The following GRIN2A variants were observed in gnomAD, a reference collection of about 807,000 sequenced individuals.
The protein encoded by GRIN2A is glutamate receptor ionotropic, NMDA 2A.
Under a neutral mutation model 113.4 loss-of-function variants are expected in GRIN2A, and 22 were observed. The observed-to-expected ratio is 0.19, with a 90% CI of 0.14 to 0.28. The LOEUF (loss-of-function observed/expected upper bound fraction) is 0.28. Among genes scored for constraint, GRIN2A ranks in the 10% least tolerant of loss-of-function variants. The probability of loss-of-function intolerance (pLI) is 1.00; values close to 1 mark genes in which losing one functional copy is unlikely to be tolerated. For missense variants in GRIN2A, 1,502 were observed against 1,887.0 expected, an observed-to-expected ratio of 0.80 and a Z score of 3.78; for synonymous variants, 827 against 738.4, an observed-to-expected ratio of 1.12 and a Z score of -1.94.
intron 2 of GRIN2A, among the ~76,000 whole-genome samples, chr16:10,105,438 T>C (rs889725828): frequency 1.3e-5 from 2 of 151,814 alleles, no homozygotes; most frequent in African/African-American, 4.8e-5. Flanking sequence ...TAGAATCAGC[T>C]GACCCAATGT....
chr16:10,172,289 A>G (rs1274442988), intron 2 of GRIN2A, among the ~76,000 whole-genome samples: 1 of 152,126 alleles, frequency 6.6e-6, no homozygotes, highest in Non-Finnish European at 1.5e-5. Flanking sequence ...TTGATTCATC[A>G]TGGCTGCCTG....
rs140831238 is a variant in GRIN2A, at chr16:9,898,681, T to C, written c.1008-7581A>G. On this transcript the variant is annotated intron_variant, in intron 3 of 12. Transcript: ENST00000330684. ...CCCTTAAATGCCTCCTTGAACTGCTTGGGTGTCACAGTTTCTTCGTTTGTC... is the reference window on the plus strand; with the variant it reads ...CCCTTAAATGCCTCCTTGAACTGCTCGGGTGTCACAGTTTCTTCGTTTGTC... Among the ~76,000 whole-genome samples, 516 of 152,286 alleles carry C rather than the reference T, an allele frequency of 3.4e-3. 3 individuals are homozygous for C. The highest frequency in any genetic ancestry group is 0.011 in the African/African-American group (475 of 41,562).
At chr16:9,829,338 A>G (rs902409613) in intron 9 of GRIN2A, 85 bp downstream of exon 9, 5 of 841,512 alleles carry the variant, frequency 5.9e-6, no homozygotes, top group South Asian at 1.4e-5. Context: ...ATGGATCTCA[A>G]TGAGAGGCAC....
chr16:10,064,909 G>A (rs72772395), intron 2 of GRIN2A, among the ~76,000 whole-genome samples: 10,331 of 152,174 alleles, frequency 0.068, 506 homozygotes, highest in Non-Finnish European at 0.11. Flanking sequence ...TCATCCAAAC[G>A]GACGAATCCC....
intron 10 of GRIN2A, among the ~76,000 whole-genome samples, chr16:9,799,118 A>G (rs1903195950): frequency 6.6e-6 from 1 of 152,232 alleles, no homozygotes; most frequent in Non-Finnish European, 1.5e-5. Flanking sequence ...TTCTATAAAG[A>G]CAAGATAATA....
chr16:9,879,123 C>G (rs1464792407), intron 4 of GRIN2A, among the ~76,000 whole-genome samples: 1 of 152,086 alleles, frequency 6.6e-6, no homozygotes, highest in Admixed American at 6.6e-5. Context: ...TATAATGGCT[C>G]AATTTTCCCT....
intron 2 of GRIN2A, chr16:10,111,594 C>A: frequency 9.6e-7 from 1 of 1,038,002 alleles, no homozygotes; most frequent in Non-Finnish European, 1.5e-6. Flanking sequence ...CCCCTATGGA[C>A]ACTGAGACAG....
chr16:9,766,370 TGTA>T (rs1243161939), intron 12 of GRIN2A, among the ~76,000 whole-genome samples: 1 of 152,194 alleles, frequency 6.6e-6, no homozygotes, highest in African/African-American at 2.4e-5. Context: ...ACATTTTTCT[TGTA>T]GTAGACAGTC....
In GRIN2A at chr16:9,761,390, T is replaced by C. The variant is rs1004376936; in HGVS notation, c.*1759A>G. 1 of 230,798 alleles carries C rather than the reference T, an allele frequency of 4.3e-6. No individual in the cohort carries two copies. Among genetic ancestry groups the C allele is most frequent in the Middle Eastern group, 1.3e-3 (1 of 790 alleles). The allele number at this position is 230,798 out of a possible 1,614,324, so 14.3% of individuals were successfully genotyped here. ...CAGAATGCAGGAGGAAACCAGGAAATGGCCAGGCGAGTCTACATTAGCTTA... is the reference window on the plus strand; with the variant it reads ...CAGAATGCAGGAGGAAACCAGGAAACGGCCAGGCGAGTCTACATTAGCTTA... On this transcript the variant is annotated 3_prime_UTR_variant, in exon 13 of 13. Coordinates refer to ENST00000330684, the MANE Select transcript of GRIN2A (RefSeq NM_001134407.3).
At chr16:9,792,446 C>T (rs7195835) in intron 11 of GRIN2A, among the ~76,000 whole-genome samples, 1 of 151,910 alleles carries the variant, frequency 6.6e-6, no homozygotes, top group South Asian at 2.1e-4. Context: ...CTGATCTTGA[C>T]CTCCTGGATT....
chr16:9,896,345 A>G (rs1276283775), intron 3 of GRIN2A, among the ~76,000 whole-genome samples: 7 of 151,658 alleles, frequency 4.6e-5, no homozygotes, highest in Admixed American at 6.6e-5. Context: ...CACCATGCCC[A>G]GCCAAAACAG....
At chr16:10,013,072 G>C (rs1353622712) in intron 2 of GRIN2A, among the ~76,000 whole-genome samples, 3 of 152,118 alleles carry the variant, frequency 2.0e-5, no homozygotes, top group African/African-American at 7.2e-5. Context: ...CCTGGGAGAG[G>C]AAATAATCTG....
At chr16:10,103,793 C>T (rs1266732195) in intron 2 of GRIN2A, among the ~76,000 whole-genome samples, 3 of 152,198 alleles carry the variant, frequency 2.0e-5, no homozygotes, top group African/African-American at 7.2e-5. Context: ...ATGGGCTCTA[C>T]TTCTTCCCTT....
chr16:9,871,150 C>G (rs184004839), intron 4 of GRIN2A, among the ~76,000 whole-genome samples: 82 of 152,232 alleles, frequency 5.4e-4, no homozygotes, highest in African/African-American at 1.9e-3. Context: ...TCCTGTCACA[C>G]CCACCTGGCA....
chr16:10,086,413 T>G (rs1457844498), intron 2 of GRIN2A, among the ~76,000 whole-genome samples: 1 of 152,114 alleles, frequency 6.6e-6, no homozygotes, highest in African/African-American at 2.4e-5. Flanking sequence ...GGAGAGATTG[T>G]GCATTCTGCC....
intron 2 of GRIN2A, among the ~76,000 whole-genome samples, chr16:10,079,416 C>T (rs1352756842): frequency 6.6e-6 from 1 of 152,070 alleles, no homozygotes; most frequent in East Asian, 1.9e-4. Context: ...AACGCTAAGC[C>T]CATGGGGTAG....
chr16:9,782,497 C>T (rs1204228797), intron 11 of GRIN2A, among the ~76,000 whole-genome samples: 1 of 152,176 alleles, frequency 6.6e-6, no homozygotes, highest in African/African-American at 2.4e-5. Context: ...TTTGGGGCCA[C>T]TGTTTATCCA....
chr16:10,172,591 G>A (rs1338092986), intron 2 of GRIN2A, among the ~76,000 whole-genome samples: 1 of 152,272 alleles, frequency 6.6e-6, no homozygotes, highest in African/African-American at 2.4e-5. Context: ...GTCCCAGGAT[G>A]GCAGTGGGAG....
intron 2 of GRIN2A, among the ~76,000 whole-genome samples, chr16:10,106,127 G>A (rs1322267209): frequency 1.3e-5 from 2 of 151,570 alleles, no homozygotes; most frequent in Admixed American, 6.6e-5. Flanking sequence ...GATAAGATGA[G>A]GCATGCGTAC....
Sources: gnomAD v4.1 joint callset for allele counts (sites outside exome capture counted in the v4.1 genomes callset) on GRCh38, gnomAD v4.1.1 for gene constraint, MANE v1.5 for transcripts, NCBI Gene and HGNC (gene_info 2026-07-23, HGNC 2026-07-21) for gene names.